The following SEZ6L variants were observed in gnomAD, a reference collection of about 807,000 sequenced individuals.
The protein encoded by SEZ6L is seizure 6-like protein.
A neutral mutation model predicts 106.2 loss-of-function variants in SEZ6L; 37 were observed. That is an observed-to-expected ratio of 0.35 (90% CI 0.27 to 0.46). The LOEUF (loss-of-function observed/expected upper bound fraction) is 0.46, where lower values mean the gene tolerates loss of function less well. Ranked by LOEUF, SEZ6L falls within the 20% of genes least tolerant of loss-of-function variation. SEZ6L has a pLI of 1.00. For missense variants in SEZ6L, 1,172 were observed against 1,332.8 expected, an observed-to-expected ratio of 0.88 and a Z score of 1.88; for synonymous variants, 541 against 570.4, an observed-to-expected ratio of 0.95 and a Z score of 0.73.
intron 1 of SEZ6L, among the ~76,000 whole-genome samples, chr22:26,274,446 C>T (rs985323792): frequency 3.3e-5 from 5 of 152,190 alleles, no homozygotes; most frequent in Non-Finnish European, 1.5e-5. Context: ...CCACCATCAT[C>T]ATCAAAGATG....
At chr22:26,205,189 T>C (rs1053037298) in intron 1 of SEZ6L, among the ~76,000 whole-genome samples, 4 of 152,274 alleles carry the variant, frequency 2.6e-5, no homozygotes, top group Non-Finnish European at 2.9e-5. Flanking sequence ...GATGCCTGTC[T>C]TTGGTACAGT....
At chr22:26,208,883 T>TGTGA (rs1556092833) in intron 1 of SEZ6L, among the ~76,000 whole-genome samples, 3 of 150,736 alleles carry the variant, frequency 2.0e-5, no homozygotes, top group East Asian at 3.9e-4. Flanking sequence ...TGTGTGTGTG[T>TGTGA]GTGTGTGTGT....
chr22:26,180,012 C>T (rs1032381954), intron 1 of SEZ6L, among the ~76,000 whole-genome samples: 1 of 152,180 alleles, frequency 6.6e-6, no homozygotes, highest in African/African-American at 2.4e-5. Flanking sequence ...TGGCTCATGG[C>T]CGCCATATTG....
chr22:26,208,848 C>CTGTG (rs1342745824), intron 1 of SEZ6L, among the ~76,000 whole-genome samples: 103 of 106,880 alleles, frequency 9.6e-4, no homozygotes, highest in Non-Finnish European at 1.4e-3. Context: ...TTGACTCTCT[C>CTGTG]TCTGTGTGTG....
intron 12 of SEZ6L, among the ~76,000 whole-genome samples, chr22:26,352,981 GC>G (rs2083328499): frequency 6.6e-6 from 1 of 152,226 alleles, no homozygotes; most frequent in Non-Finnish European, 1.5e-5. Flanking sequence ...CAAAGCGCTT[GC>G]TTCATAGATT....
Position 26,214,659 on chromosome 22 carries a change from GT to G in SEZ6L, c.94+44903del, listed in dbSNP as rs1289540335. 4.6e-5 allele frequency among the ~76,000 whole-genome samples: 7 copies of G among 152,268 alleles called. No individual in the cohort carries two copies. In the East Asian group the frequency reaches 1.3e-3, roughly 29 times the overall value. ...GTGAACAGACAGACAGCAACACCTTGTTTTTTTCAGAAGCTTCAACAAAAGG... is the reference window on the plus strand; with the variant it reads ...GTGAACAGACAGACAGCAACACCTTGTTTTTTCAGAAGCTTCAACAAAAGG... On this transcript the variant is annotated intron_variant, in intron 1 of 16. Coordinates refer to ENST00000248933, the MANE Select transcript of SEZ6L (RefSeq NM_021115.5).
chr22:26,234,326 G>A (rs1196581974), intron 1 of SEZ6L, among the ~76,000 whole-genome samples: 1 of 152,196 alleles, frequency 6.6e-6, no homozygotes, highest in Non-Finnish European at 1.5e-5. Flanking sequence ...GGACCTTGGG[G>A]GAAGGAAATA....
rs1450775152 is a variant in SEZ6L, at chr22:26,311,826, C to T, written c.1740C>T (p.Ser580=). 7 of 1,614,200 alleles carry T rather than the reference C, an allele frequency of 4.3e-6. No homozygotes were observed. The East Asian group carries it at 8.9e-5, about 21-fold the overall frequency. The change falls in exon 8 of 17, where the codon TCC becomes TCT. Residue 580 remains serine (S), a synonymous_variant. Transcript: ENST00000248933. The stretch of plus-strand genomic sequence containing the variant: ...TCCAGAATGGGAACTTCACTACATC[C>T]GACCCGACCTATAACATTGGGACTA... ...PYIQNGNFTT[S]DPTYNIGTIV... is the part of the protein sequence containing the mutation.
intron 13 of SEZ6L, among the ~76,000 whole-genome samples, chr22:26,372,898 G>A (rs1331094978): frequency 6.6e-6 from 1 of 152,188 alleles, no homozygotes; most frequent in Non-Finnish European, 1.5e-5. Flanking sequence ...ACCTCTGGCT[G>A]GATTTTGTAT....
Position 26,380,394 on chromosome 22 carries a change from G to A in SEZ6L, c.*99G>A. Reference sequence around the variant, plus strand: ...TGGCACTTGATTGAAACCCCAGAATGTCGACTGTCTTTTGTTTAGACTCTT... The same window carrying A: ...TGGCACTTGATTGAAACCCCAGAATATCGACTGTCTTTTGTTTAGACTCTT... On this transcript the variant is annotated 3_prime_UTR_variant, in exon 17 of 17. Coordinates refer to ENST00000248933, the MANE Select transcript of SEZ6L (RefSeq NM_021115.5). The A allele has an allele frequency of 1.1e-6, 1 of 917,174 alleles. No individual in the cohort carries two copies. Among genetic ancestry groups the A allele is most frequent in the South Asian group, 1.4e-5 (1 of 69,524 alleles). The allele number at this position is 917,174 out of a possible 1,614,324, so 56.8% of individuals were successfully genotyped here.
Position 26,292,726 on chromosome 22 carries a change from G to A in SEZ6L, c.415G>A (p.Ala139Thr), listed in dbSNP as rs140450910. 6.9e-5 allele frequency: 111 copies of A among 1,613,706 alleles called. No homozygotes were observed. The African/African-American group carries it at 1.1e-3, about 17-fold the overall frequency. Residue 139 changes from alanine (A) to threonine (T), a missense_variant, in exon 2 of 17, where the codon GCA becomes ACA. This residue lies in a region of SEZ6L where 494 missense variants were observed against 445.8 expected (regional missense o/e 1.11). Transcript: ENST00000248933. ...RKQLRPKATS[A>T]ATVQRAGSQP... Reference sequence around the variant, plus strand: ...GCAGCTGAGGCCCAAGGCCACCTCCGCAGCCACTGTCCAAAGGGCAGGGTC... The same window carrying A: ...GCAGCTGAGGCCCAAGGCCACCTCCACAGCCACTGTCCAAAGGGCAGGGTC...
At chr22:26,351,317 C>T (rs1216794212) in intron 12 of SEZ6L, 74 bp downstream of exon 12, 1 of 1,440,768 alleles carries the variant, frequency 6.9e-7, no homozygotes, top group Non-Finnish European at 9.5e-7. Context: ...TGATGGAAGG[C>T]TGGGCTGCTA....
At chr22:26,187,255 G>A (rs1339153589) in intron 1 of SEZ6L, among the ~76,000 whole-genome samples, 2 of 152,298 alleles carry the variant, frequency 1.3e-5, no homozygotes, top group South Asian at 2.1e-4. Flanking sequence ...GCCAAGTGAA[G>A]GGGGAAAAGC....
intron 9 of SEZ6L, among the ~76,000 whole-genome samples, chr22:26,334,658 T>C (rs939089554): frequency 6.6e-6 from 1 of 151,796 alleles, no homozygotes; most frequent in Admixed American, 6.6e-5. Flanking sequence ...AAGAGAAAGG[T>C]GATGATGGTC....
At chr22:26,310,971 C>T (rs1414013734) in intron 7 of SEZ6L, 135 bp downstream of exon 7, 3 of 814,226 alleles carry the variant, frequency 3.7e-6, no homozygotes, top group South Asian at 3.4e-5. Flanking sequence ...CTTTGGTTTC[C>T]AAAGACAGGC....
At chr22:26,322,812 C>A (rs548962157) in intron 9 of SEZ6L, among the ~76,000 whole-genome samples, 1 of 152,162 alleles carries the variant, frequency 6.6e-6, no homozygotes, top group South Asian at 2.1e-4. Context: ...TAACCCACCA[C>A]GTATCCCTCC....
chr22:26,343,092 C>G (rs887633146), intron 10 of SEZ6L, among the ~76,000 whole-genome samples: 3 of 152,048 alleles, frequency 2.0e-5, no homozygotes, highest in African/African-American at 4.8e-5. Flanking sequence ...TGTGGGTTCC[C>G]CGCTCTTTTC....
chr22:26,204,333 A>G (rs1329173106), intron 1 of SEZ6L, among the ~76,000 whole-genome samples: 1 of 152,176 alleles, frequency 6.6e-6, no homozygotes, highest in African/African-American at 2.4e-5. Flanking sequence ...TGAAAATAAC[A>G]GTATAGAGGG....
At chr22:26,196,242 C>G (rs1940572644) in intron 1 of SEZ6L, among the ~76,000 whole-genome samples, 1 of 152,182 alleles carries the variant, frequency 6.6e-6, no homozygotes, top group Non-Finnish European at 1.5e-5. Context: ...GATGTGCCTG[C>G]TTCCCCTTCA....
Sources: allele counts gnomAD v4.1 joint callset (sites outside exome capture counted in the v4.1 genomes callset), GRCh38; gene constraint gnomAD v4.1.1; regional missense constraint gnomAD v4.1.1; transcripts MANE v1.5; gene names NCBI Gene and HGNC (gene_info 2026-07-23, HGNC 2026-07-21).